The following RBFOX1 variants were observed in gnomAD, a reference collection of about 807,000 sequenced individuals.
The protein encoded by RBFOX1 is RNA binding protein fox-1 homolog 1.
In RBFOX1, 8 loss-of-function variants were observed where a neutral mutation model predicts 57.7. The observed-to-expected ratio is 0.14, with a 90% CI of 0.08 to 0.25. The LOEUF (loss-of-function observed/expected upper bound fraction) is 0.25. Ranked by LOEUF, RBFOX1 falls within the 10% of genes least tolerant of loss-of-function variation. RBFOX1 has a pLI of 1.00. For synonymous variants in RBFOX1, 326 were observed against 222.4 expected (o/e 1.47, Z -4.15); for missense variants, 611 against 548.5 (o/e 1.11, Z -1.14).
At chr16:6,119,136 G>T (rs190029646) in intron 1 of RBFOX1, among the ~76,000 whole-genome samples, 1 of 151,656 alleles carries the variant, frequency 6.6e-6, no homozygotes, top group Non-Finnish European at 1.5e-5. Flanking sequence ...AGATATAATG[G>T]CATTACCTAC....
intron 1 of RBFOX1, among the ~76,000 whole-genome samples, chr16:6,122,123 C>T (rs1012698815): frequency 6.6e-6 from 1 of 152,108 alleles, no homozygotes; most frequent in African/African-American, 2.4e-5. Context: ...CAAGGCTGGT[C>T]TCGAACTCCT....
chr16:7,692,720 A>G (rs2077620971), intron 14 of RBFOX1, among the ~76,000 whole-genome samples: 1 of 152,084 alleles, frequency 6.6e-6, no homozygotes, highest in Non-Finnish European at 1.5e-5. Context: ...GTAAAATAGC[A>G]TTTTCTATTT....
At chr16:6,416,585 T>C (rs2093630485) in intron 2 of RBFOX1, among the ~76,000 whole-genome samples, 1 of 152,098 alleles carries the variant, frequency 6.6e-6, no homozygotes, top group African/African-American at 2.4e-5. Flanking sequence ...CCGAGGCTTC[T>C]TGTACAAGGG....
At chr16:7,356,887 A>T (rs1169963086) in intron 4 of RBFOX1, among the ~76,000 whole-genome samples, 1 of 152,196 alleles carries the variant, frequency 6.6e-6, no homozygotes, top group Non-Finnish European at 1.5e-5. Flanking sequence ...TTATAACCAA[A>T]GCATGGCAAG....
intron 2 of RBFOX1, among the ~76,000 whole-genome samples, chr16:6,544,444 G>T (rs546591486): frequency 2.0e-5 from 3 of 152,140 alleles, no homozygotes; most frequent in Non-Finnish European, 2.9e-5. Flanking sequence ...TTAGTTGAAC[G>T]GATGTTCTGG....
intron 3 of RBFOX1, among the ~76,000 whole-genome samples, chr16:6,946,213 G>A (rs927001713): frequency 6.6e-6 from 1 of 152,238 alleles, no homozygotes; most frequent in Non-Finnish European, 1.5e-5. Flanking sequence ...TTTAGGATTT[G>A]GGTGCCATAT....
At chr16:6,098,800 A>T (rs2096273773) in intron 1 of RBFOX1, among the ~76,000 whole-genome samples, 1 of 152,156 alleles carries the variant, frequency 6.6e-6, no homozygotes, top group African/African-American at 2.4e-5. Flanking sequence ...AGACACACCC[A>T]TCCCGGAAAA....
chr16:5,467,091 G>T, intron 1 of RBFOX1: 1 of 1,149,246 alleles, frequency 8.7e-7, no homozygotes, highest in East Asian at 2.6e-5. Flanking sequence ...GACGTTTTGA[G>T]AATGAATGAA....
Position 6,019,328 on chromosome 16 carries a change from G to A in RBFOX1, c.-791G>A. 2 of 985,312 alleles carry A rather than the reference G, an allele frequency of 2.0e-6. No homozygotes were observed. Among genetic ancestry groups the A allele is most frequent in the Non-Finnish European group, 2.4e-6 (2 of 830,212 alleles). 61.0% of individuals were successfully genotyped at this position (985,312 alleles called of 1,614,324 possible). ...CCTTTCCAGTCCCCGTGCGAGCCGCGCTGCCGCCGCCTCCTCCAGCCAGAG... is the reference window on the plus strand; with the variant it reads ...CCTTTCCAGTCCCCGTGCGAGCCGCACTGCCGCCGCCTCCTCCAGCCAGAG... On this transcript the variant is annotated 5_prime_UTR_variant, in exon 1 of 16. Coordinates refer to ENST00000550418, the MANE Select transcript of RBFOX1 (RefSeq NM_018723.4). This position sits in a 1 kb window ranked among gnomAD's most constrained non-coding sequence, Gnocchi z 4.2.
intron 4 of RBFOX1, among the ~76,000 whole-genome samples, chr16:7,360,881 T>C (rs2097307427): frequency 6.6e-6 from 1 of 152,160 alleles, no homozygotes; most frequent in South Asian, 2.1e-4. Context: ...TCTTCGAGTA[T>C]CTATTTAGAG....
chr16:5,907,855 A>G (rs990975764), intron 4 of RBFOX1, among the ~76,000 whole-genome samples: 1 of 151,550 alleles, frequency 6.6e-6, no homozygotes, highest in Admixed American at 6.6e-5. Context: ...GGTTCAAGCA[A>G]TTCTCCTGCC....
At chr16:6,256,205 ATATG>A (rs1230308607) in intron 1 of RBFOX1, among the ~76,000 whole-genome samples, 1,453 of 36,430 alleles carry the variant, frequency 0.04, 104 homozygotes, top group African/African-American at 0.082. Flanking sequence ...ATGTATATGT[ATATG>A]TGTATATATA....
chr16:5,503,962 G>C (rs989116120), intron 2 of RBFOX1, among the ~76,000 whole-genome samples: 1 of 152,162 alleles, frequency 6.6e-6, no homozygotes, highest in African/African-American at 2.4e-5. Context: ...CTTCTTTGCT[G>C]AGGCTCAGCC....
At chr16:5,747,016 T>C (rs190557315) in intron 3 of RBFOX1, among the ~76,000 whole-genome samples, 2,060 of 152,242 alleles carry the variant, frequency 0.014, 15 homozygotes, top group Non-Finnish European at 0.017. Context: ...CTGTCTTGTG[T>C]CAGTTTTCAA....
chr16:5,447,919 C>T (rs1340621742), intron 1 of RBFOX1, among the ~76,000 whole-genome samples: 1 of 152,186 alleles, frequency 6.6e-6, no homozygotes, highest in Non-Finnish European at 1.5e-5. Context: ...CTGGCCTTTT[C>T]CCACTCATTC....
At chr16:7,479,950 A>G (rs1272125393) in intron 4 of RBFOX1, among the ~76,000 whole-genome samples, 1 of 152,166 alleles carries the variant, frequency 6.6e-6, no homozygotes, top group Non-Finnish European at 1.5e-5. Flanking sequence ...ATTCCTAGGA[A>G]AAGGCAAATG....
chr16:5,796,542 T>A (rs2054885064), intron 3 of RBFOX1, among the ~76,000 whole-genome samples: 1 of 146,518 alleles, frequency 6.8e-6, no homozygotes, highest in Non-Finnish European at 1.5e-5. Flanking sequence ...GAAGCAGGGC[T>A]GTATCAGATG....
intron 2 of RBFOX1, among the ~76,000 whole-genome samples, chr16:6,648,128 C>T (rs1329381034): frequency 1.3e-5 from 2 of 151,256 alleles, no homozygotes; most frequent in African/African-American, 4.9e-5. Flanking sequence ...CAGGCATGAG[C>T]CACTGCACCC....
At chr16:7,187,777 T>C (rs1226193106) in intron 4 of RBFOX1, among the ~76,000 whole-genome samples, 2 of 147,938 alleles carry the variant, frequency 1.4e-5, no homozygotes, top group Non-Finnish European at 3.0e-5. Context: ...TCGCTCTCTG[T>C]AAAATAATAT....
Sources: allele counts gnomAD v4.1 joint callset (sites outside exome capture counted in the v4.1 genomes callset), GRCh38; gene constraint gnomAD v4.1.1; non-coding constraint Gnocchi (gnomAD v3.1); transcripts MANE v1.5; gene names NCBI Gene and HGNC (gene_info 2026-07-23, HGNC 2026-07-21).